The following MAP3K21 variants were observed in gnomAD, a reference collection of about 807,000 sequenced individuals.
The protein encoded by MAP3K21 is mitogen-activated protein kinase kinase kinase 21.
MAP3K21 carries 63 observed loss-of-function variants against 86.1 expected under a neutral mutation model. The ratio of observed to expected loss-of-function variants is 0.73; its 90% confidence interval spans 0.60 to 0.90. MAP3K21 has a LOEUF of 0.90. Ranked by LOEUF, MAP3K21 falls within the 40% of genes least tolerant of loss-of-function variation. MAP3K21 has a pLI of 0.00. For missense variants in MAP3K21, 1,220 were observed against 1,367.7 expected (o/e 0.89, Z 1.70); for synonymous variants, 558 against 564.8 (o/e 0.99, Z 0.17).
intron 5 of MAP3K21, among the ~76,000 whole-genome samples, chr1:233,369,732 T>A (rs1356855369): frequency 6.6e-6 from 1 of 152,208 alleles, no homozygotes; most frequent in Non-Finnish European, 1.5e-5. Flanking sequence ...GACACATTCA[T>A]CTTTGTGTTG....
At chr1:233,335,130 T>A (rs1165707943) in intron 1 of MAP3K21, among the ~76,000 whole-genome samples, 1 of 152,048 alleles carries the variant, frequency 6.6e-6, no homozygotes, top group African/African-American at 2.4e-5. Context: ...TCTCTGAGGC[T>A]CCCCAAACCC....
chr1:233,352,999 G>T (rs1399021285), intron 2 of MAP3K21, among the ~76,000 whole-genome samples: 1 of 152,206 alleles, frequency 6.6e-6, no homozygotes, highest in Non-Finnish European at 1.5e-5. Context: ...TATGGATGTG[G>T]TATGGATATG....
chr1:233,365,248 C>T (rs1206894666), intron 5 of MAP3K21, among the ~76,000 whole-genome samples: 6 of 151,944 alleles, frequency 3.9e-5, no homozygotes, highest in African/African-American at 7.2e-5. Flanking sequence ...TTCAAAAGCT[C>T]AGGCAACAAA....
At chr1:233,352,580 A>G (rs1292475781) in intron 2 of MAP3K21, among the ~76,000 whole-genome samples, 1 of 151,902 alleles carries the variant, frequency 6.6e-6, no homozygotes, top group East Asian at 1.9e-4. Flanking sequence ...GCAGGCACGC[A>G]CCACCATGCC....
intron 1 of MAP3K21, among the ~76,000 whole-genome samples, chr1:233,342,480 A>G (rs1004828638): frequency 1.3e-5 from 2 of 152,248 alleles, no homozygotes; most frequent in Admixed American, 1.3e-4. Flanking sequence ...ATTCCATTGA[A>G]CATTGTGATG....
intron 9 of MAP3K21, among the ~76,000 whole-genome samples, chr1:233,380,206 G>C (rs1016261608): frequency 5.9e-5 from 9 of 152,250 alleles, no homozygotes; most frequent in African/African-American, 1.9e-4. Flanking sequence ...CAAACTCATT[G>C]TCCAGCAGTT....
At chr1:233,359,139 C>T (rs980126373) in intron 4 of MAP3K21, among the ~76,000 whole-genome samples, 1 of 152,116 alleles carries the variant, frequency 6.6e-6, no homozygotes, top group Non-Finnish European at 1.5e-5. Context: ...TAATTATTGA[C>T]AACTATTTAT....
At chr1:233,358,526 G>A (rs2102756784) in intron 4 of MAP3K21, among the ~76,000 whole-genome samples, 1 of 147,864 alleles carries the variant, frequency 6.8e-6, no homozygotes. Context: ...TCTAAAATTA[G>A]GTGTTTAATT....
intron 9 of MAP3K21, among the ~76,000 whole-genome samples, chr1:233,380,921 A>G (rs922909120): frequency 2.6e-5 from 4 of 152,176 alleles, no homozygotes; most frequent in African/African-American, 9.7e-5. Flanking sequence ...TTCAGTGAGT[A>G]TTGATGTGAC....
In MAP3K21 at chr1:233,340,371, A is replaced by G. The variant is rs185141933; in HGVS notation, c.806-6071A>G. ...GGAAGAGGAAGGCATTCCATTCTGTAAGGAGGCACAGGGCAGTGGGGAGAC... is the reference window on the plus strand; with the variant it reads ...GGAAGAGGAAGGCATTCCATTCTGTGAGGAGGCACAGGGCAGTGGGGAGAC... On this transcript the variant is annotated intron_variant, in intron 1 of 9. Transcript: ENST00000366624. 4.3e-3 allele frequency among the ~76,000 whole-genome samples: 648 copies of G among 152,304 alleles called. 4 individuals are homozygous for G. The highest frequency in any genetic ancestry group is 0.02 in the Middle Eastern group (6 of 294).
At position 233,357,620 on chromosome 1, in the gene MAP3K21, G is replaced by A. The variant is rs142450810; in HGVS notation, c.1311+2609G>A. Among the ~76,000 whole-genome samples the A allele has an allele frequency of 6.6e-5, 10 of 152,228 alleles. No homozygotes were observed. In the South Asian group the frequency reaches 2.1e-3, roughly 32 times the overall value. The stretch of plus-strand genomic sequence containing the variant: ...CTGTTCTGCTCAAACCCATGGAGTT[G>A]CGTCTGACTGCGAGCATCATGTCCT... On this transcript the variant is annotated intron_variant, in intron 4 of 9. Transcript: ENST00000366624.
chr1:233,359,001 C>T (rs12093733), intron 4 of MAP3K21, among the ~76,000 whole-genome samples: 1,693 of 151,960 alleles, frequency 0.011, 31 homozygotes, highest in African/African-American at 0.038. Context: ...TTAGTAGAGA[C>T]GGGGTTTCAC....
chr1:233,355,575 G>A (rs1663335636), intron 4 of MAP3K21, among the ~76,000 whole-genome samples: 1 of 152,124 alleles, frequency 6.6e-6, no homozygotes, highest in Non-Finnish European at 1.5e-5. Context: ...CTAGTGATTT[G>A]GACCTTGTTG....
In MAP3K21 at chr1:233,346,570, G is replaced by A; in HGVS notation, c.934G>A (p.Ala312Thr). 6.2e-7 allele frequency: 1 copy of A among 1,613,866 alleles called. No homozygotes were observed. Among genetic ancestry groups the A allele is most frequent in the Non-Finnish European group, 8.5e-7 (1 of 1,179,860 alleles). ...CACAGCAGGCACCTATGCCTGGATG[G>A]CCCCCGAAGTGATCAAGTCTTCCTT... is the stretch of plus-strand genomic sequence containing the variant. ...MSTAGTYAWM[A>T]PEVIKSSLFS... Residue 312 changes from alanine to threonine, a missense_variant, in exon 2 of 10, where the codon GCC (alanine) becomes ACC (threonine). Around this residue, in one of 5 missense-constraint regions of MAP3K21, gnomAD observed 89 missense variants for 144.8 expected, o/e 0.61. Coordinates refer to ENST00000366624, the MANE Select transcript of MAP3K21 (RefSeq NM_032435.3).
At chr1:233,364,583 T>C (rs1181676253) in intron 5 of MAP3K21, among the ~76,000 whole-genome samples, 1 of 152,242 alleles carries the variant, frequency 6.6e-6, no homozygotes, top group East Asian at 1.9e-4. Context: ...GAGGTCAGAT[T>C]TTCAGTCTTG....
chr1:233,360,957 T>C (rs1397865347), intron 4 of MAP3K21, among the ~76,000 whole-genome samples: 1 of 152,180 alleles, frequency 6.6e-6, no homozygotes, highest in Admixed American at 6.6e-5. Flanking sequence ...CCAACAAAGA[T>C]TGTGGTATTA....
intron 1 of MAP3K21, among the ~76,000 whole-genome samples, chr1:233,334,412 T>C (rs1662874391): frequency 1.3e-5 from 2 of 152,164 alleles, no homozygotes; most frequent in African/African-American, 2.4e-5. Context: ...TTGAGACTGA[T>C]TGTCTTGATT....
Position 233,328,711 on chromosome 1 carries a change from G to T in MAP3K21, c.683G>T (p.Arg228Leu). ...APDPRAPGPR[R>L]ARRIPPHVLV... ...GACCCGCGCGCGCCCGGCCCCCGCC[G>T]CGCGCGCCGCATCCCTCCGCACGTG... Residue 228 changes from arginine (R) to leucine (L), a missense_variant, in exon 1 of 10, where the codon CGC becomes CTC. Physicochemically the swap from Arg to Leu is moderately radical, Grantham distance 102. Transcript: ENST00000366624. The surrounding 1 kb of genome is among the most constrained non-coding windows in gnomAD (Gnocchi z 8.7). 5.8e-6 allele frequency: 8 copies of T among 1,369,184 alleles called. No individual in the cohort carries two copies. The highest frequency in any genetic ancestry group is 6.7e-6 in the Non-Finnish European group (7 of 1,052,542). 84.8% of individuals were successfully genotyped at this position (1,369,184 alleles called of 1,614,324 possible).
At chr1:233,334,231 G>C (rs1404867496) in intron 1 of MAP3K21, among the ~76,000 whole-genome samples, 1 of 149,746 alleles carries the variant, frequency 6.7e-6, no homozygotes, top group East Asian at 2.0e-4. Flanking sequence ...CAAACTCCTG[G>C]AGTCAAGCCA....
Sources: gnomAD v4.1 joint callset for allele counts (sites outside exome capture counted in the v4.1 genomes callset) on GRCh38, gnomAD v4.1.1 for gene constraint, gnomAD v4.1.1 regional missense constraint, Gnocchi (gnomAD v3.1) non-coding constraint, MANE v1.5 for transcripts, NCBI Gene and HGNC (gene_info 2026-07-23, HGNC 2026-07-21) for gene names.